TEAD1: variants seen among roughly 807,000 people sequenced by gnomAD.
TEAD1 encodes the protein TEA domain transcription factor 1.
Under a neutral mutation model 54.9 loss-of-function variants are expected in TEAD1, and 9 were observed. The observed-to-expected ratio is 0.16, with a 90% CI of 0.10 to 0.29. The LOEUF is 0.29. TEAD1 is among the 10% of genes least tolerant of loss of function. The pLI is 1.00. For missense variants in TEAD1, 387 were observed against 535.9 expected, an observed-to-expected ratio of 0.72 and a Z score of 2.74; for synonymous variants, 200 against 187.8, an observed-to-expected ratio of 1.07 and a Z score of -0.53.
rs1943066499 is a variant in TEAD1 at position 12,675,579 on chromosome 11, ATTTG to A, written c.-55+25_-55+28del. 6.6e-6 allele frequency: 1 copy of A among 152,198 alleles called. No individual in the cohort carries two copies. Among genetic ancestry groups the A allele is most frequent in the African/African-American group, 2.4e-5 (1 of 41,544 alleles). 9.4% of individuals were successfully genotyped at this position (152,198 alleles called of 1,614,324 possible). A position where few individuals can be genotyped will look rare whatever the true frequency, so the allele number is the denominator to read the frequency against. ...CCCTTTCGGTAGGAAATACTGGGGG[ATTTG>A]TTTGTTGATTGGAAGAGAAATGATC... On this transcript the variant is annotated intron_variant, in intron 2 of 12. Coordinates refer to ENST00000527636, the MANE Select transcript of TEAD1 (RefSeq NM_021961.6).
At chr11:12,715,308 G>C (rs1944033493) in intron 2 of TEAD1, among the ~76,000 whole-genome samples, 1 of 152,194 alleles carries the variant, frequency 6.6e-6, no homozygotes. Flanking sequence ...GTAACCAGCA[G>C]AACAGGCATC....
intron 2 of TEAD1, 71 bp from the exon 3 acceptor site, chr11:12,764,108 C>T: frequency 1.0e-6 from 1 of 958,850 alleles, no homozygotes; most frequent in South Asian, 1.7e-5. Flanking sequence ...GAAGAACTTG[C>T]ACTAGAGCTA....
intron 3 of TEAD1, among the ~76,000 whole-genome samples, chr11:12,855,146 T>G (rs1436734712): frequency 6.6e-6 from 1 of 152,220 alleles, no homozygotes; most frequent in Non-Finnish European, 1.5e-5. Context: ...TCCTAGATCT[T>G]CAGGAAGATG....
intron 10 of TEAD1, among the ~76,000 whole-genome samples, chr11:12,903,674 T>G (rs570382565): frequency 6.6e-6 from 1 of 152,262 alleles, no homozygotes; most frequent in East Asian, 1.9e-4. Context: ...TAGTCAGGCG[T>G]GGTGGTGCAC....
intron 3 of TEAD1, among the ~76,000 whole-genome samples, chr11:12,799,346 A>G (rs1385783312): frequency 6.6e-6 from 1 of 152,114 alleles, no homozygotes; most frequent in Non-Finnish European, 1.5e-5. Context: ...TCTTTTTCCT[A>G]TTTCTTGGCT....
chr11:12,811,464 G>A (rs573143503), intron 3 of TEAD1, among the ~76,000 whole-genome samples: 9 of 152,346 alleles, frequency 5.9e-5, no homozygotes, highest in African/African-American at 2.2e-4. Context: ...TTGTTTCTTA[G>A]AACATAGTGA....
chr11:12,709,027 GT>G (rs1344517290), intron 2 of TEAD1, among the ~76,000 whole-genome samples: 1 of 152,136 alleles, frequency 6.6e-6, no homozygotes, highest in Non-Finnish European at 1.5e-5. Context: ...TGTTTGAACT[GT>G]TTATAAAGGT....
chr11:12,782,710 A>G (rs1590146321), intron 3 of TEAD1, among the ~76,000 whole-genome samples: 1 of 152,358 alleles, frequency 6.6e-6, no homozygotes, highest in Non-Finnish European at 1.5e-5. Flanking sequence ...AATGTTAGCT[A>G]CCAATGTAAT....
intron 2 of TEAD1, among the ~76,000 whole-genome samples, chr11:12,748,111 G>T (rs901953050): frequency 6.6e-6 from 1 of 151,928 alleles, no homozygotes; most frequent in Non-Finnish European, 1.5e-5. Flanking sequence ...ACAGGCACCC[G>T]TCACCACGCC....
At chr11:12,929,548 C>G (rs1029103877) in intron 11 of TEAD1, among the ~76,000 whole-genome samples, 1 of 151,446 alleles carries the variant, frequency 6.6e-6, no homozygotes, top group African/African-American at 2.4e-5. Context: ...ATGGCTGATA[C>G]GTTTTGATGT....
chr11:12,763,443 G>T (rs148835666), intron 2 of TEAD1, among the ~76,000 whole-genome samples: 1 of 152,226 alleles, frequency 6.6e-6, no homozygotes, highest in Non-Finnish European at 1.5e-5. Context: ...CAAGGTTACA[G>T]TCTAGGAGCT....
At chr11:12,793,285 AG>A (rs1945843463) in intron 3 of TEAD1, among the ~76,000 whole-genome samples, 1 of 152,196 alleles carries the variant, frequency 6.6e-6, no homozygotes, top group African/African-American at 2.4e-5. Context: ...GCACAGTTAA[AG>A]GATAGATATT....
chr11:12,749,272 C>T (rs1447273902), intron 2 of TEAD1, among the ~76,000 whole-genome samples: 1 of 152,068 alleles, frequency 6.6e-6, no homozygotes, highest in Non-Finnish European at 1.5e-5. Context: ...CTTTAGTGGC[C>T]ATTTGTACGT....
At chr11:12,834,640 C>G (rs554274944) in intron 3 of TEAD1, among the ~76,000 whole-genome samples, 1 of 152,162 alleles carries the variant, frequency 6.6e-6, no homozygotes, top group African/African-American at 2.4e-5. Context: ...GTGTTGTTTT[C>G]TTGTAGGGAT....
chr11:12,739,600 G>A (rs1178739557), intron 2 of TEAD1, among the ~76,000 whole-genome samples: 1 of 152,132 alleles, frequency 6.6e-6, no homozygotes, highest in Admixed American at 6.5e-5. Context: ...CTTGTCATGG[G>A]TGTCAGAATT....
At chr11:12,690,703 C>G (rs1369988092) in intron 2 of TEAD1, among the ~76,000 whole-genome samples, 2 of 152,236 alleles carry the variant, frequency 1.3e-5, no homozygotes, top group African/African-American at 4.8e-5. Context: ...TTGATGATCT[C>G]TGCCTGTATC....
chr11:12,865,106 TGC>T, intron 5 of TEAD1: 1 of 650,804 alleles, frequency 1.5e-6, no homozygotes, highest in Non-Finnish European at 2.8e-6. Context: ...TGTGTGTGTT[TGC>T]GTGTGTGTGT....
chr11:12,740,620 GGA>G (rs1944631601), intron 2 of TEAD1, among the ~76,000 whole-genome samples: 1 of 152,146 alleles, frequency 6.6e-6, no homozygotes, highest in Admixed American at 6.5e-5. Flanking sequence ...CATGGCGGCA[GGA>G]GAGAGAAGTG....
intron 3 of TEAD1, among the ~76,000 whole-genome samples, chr11:12,801,586 G>C (rs1946060924): frequency 6.6e-6 from 1 of 152,156 alleles, no homozygotes; most frequent in Non-Finnish European, 1.5e-5. Flanking sequence ...GAAGCTCAAA[G>C]GGGTTTTCAC....
Sources: gnomAD v4.1 joint callset for allele counts (sites outside exome capture counted in the v4.1 genomes callset) on GRCh38, gnomAD v4.1.1 for gene constraint, MANE v1.5 for transcripts, NCBI Gene and HGNC (gene_info 2026-07-23, HGNC 2026-07-21) for gene names.